Variants in PALM2AKAP2 observed in about 807,000 individuals in gnomAD.
PALM2AKAP2 encodes PALM2 and AKAP2 fusion.
Under a neutral mutation model 71.5 loss-of-function variants are expected in PALM2AKAP2, and 37 were observed. The ratio of observed to expected loss-of-function variants is 0.52; its 90% confidence interval spans 0.40 to 0.68. The LOEUF is 0.68. Among genes scored for constraint, PALM2AKAP2 ranks in the 30% least tolerant of loss-of-function variants. The pLI, the probability that PALM2AKAP2 is intolerant of heterozygous loss-of-function variation, is 0.00. For synonymous variants in PALM2AKAP2, 468 were observed against 478.8 expected (o/e 0.98, Z 0.29); for missense variants, 1,224 against 1,191.8 (o/e 1.03, Z -0.40).
Position 109,842,689 on chromosome 9 carries a change from T to A in PALM2AKAP2, c.46-24802T>A, listed in dbSNP as rs189311570. Among the ~76,000 whole-genome samples the A allele has an allele frequency of 2.1e-3, 314 of 151,996 alleles. 1 individual carries two copies. The highest frequency in any genetic ancestry group is 7.0e-3 in the African/African-American group (290 of 41,438). ...AGATGTGAAAAAAAAAACAGACTAA[T>A]GATATCTGACAAGAAGTCGGCCCAA... On this transcript the variant is annotated intron_variant, in intron 1 of 9. Coordinates refer to the PALM2AKAP2 transcript ENST00000302798.
At chr9:110,146,273 C>G (rs1318610098) in intron 2 of PALM2AKAP2, among the ~76,000 whole-genome samples, 1 of 152,160 alleles carries the variant, frequency 6.6e-6, no homozygotes, top group African/African-American at 2.4e-5. Flanking sequence ...GTTACAGCTT[C>G]TGGGCAGCAG....
chr9:110,161,822 G>A (rs1041967859), intron 3 of PALM2AKAP2, among the ~76,000 whole-genome samples: 10 of 152,126 alleles, frequency 6.6e-5, no homozygotes, highest in Admixed American at 2.0e-4. Context: ...TTAATTCAAA[G>A]TACAGAAACT....
At chr9:109,928,733 G>A (rs184269588) in intron 5 of PALM2AKAP2, among the ~76,000 whole-genome samples, 46 of 150,912 alleles carry the variant, frequency 3.0e-4, no homozygotes, top group East Asian at 5.8e-4. Context: ...GTGCAGTGGC[G>A]TGGTCTCAGC....
At chr9:109,851,804 C>T (rs972562353) in intron 1 of PALM2AKAP2, among the ~76,000 whole-genome samples, 11 of 152,178 alleles carry the variant, frequency 7.2e-5, no homozygotes, top group Non-Finnish European at 1.5e-4. Flanking sequence ...ACCCCCAAAG[C>T]AGTCAGTCAT....
At chr9:110,019,438 C>T (rs1310992267) in intron 7 of PALM2AKAP2, among the ~76,000 whole-genome samples, 2 of 151,924 alleles carry the variant, frequency 1.3e-5, no homozygotes, top group African/African-American at 4.8e-5. Flanking sequence ...ACTGTTTGAC[C>T]CAGCAATGGA....
At chr9:109,948,159 C>T (rs1252661238) in intron 6 of PALM2AKAP2, among the ~76,000 whole-genome samples, 1 of 152,134 alleles carries the variant, frequency 6.6e-6, no homozygotes, top group East Asian at 1.9e-4. Context: ...ATTAGGAGCA[C>T]AATGCAGATA....
At chr9:109,740,449 A>G (rs1022320709) in intron 1 of PALM2AKAP2, among the ~76,000 whole-genome samples, 20 of 152,156 alleles carry the variant, frequency 1.3e-4, no homozygotes, top group Non-Finnish European at 2.5e-4. Context: ...GAAGGGAAGA[A>G]ACAAGCCATG....
intron 1 of PALM2AKAP2, among the ~76,000 whole-genome samples, chr9:109,790,149 C>G (rs984356923): frequency 1.3e-5 from 2 of 152,134 alleles, no homozygotes; most frequent in African/African-American, 4.8e-5. Flanking sequence ...AGCTGTGGGC[C>G]AGACGTCGGA....
chr9:109,991,551 C>T (rs547789890), intron 6 of PALM2AKAP2, among the ~76,000 whole-genome samples: 14 of 152,268 alleles, frequency 9.2e-5, no homozygotes, highest in African/African-American at 3.1e-4. Context: ...CACACTTGGC[C>T]ACCACGTCTT....
intron 7 of PALM2AKAP2, among the ~76,000 whole-genome samples, chr9:110,017,121 C>T (rs985582462): frequency 1.3e-5 from 2 of 152,180 alleles, no homozygotes; most frequent in Non-Finnish European, 2.9e-5. Flanking sequence ...CCTCGAGATC[C>T]GCCTGCCTTG....
chr9:110,039,473 C>A (rs147537940), intron 7 of PALM2AKAP2, among the ~76,000 whole-genome samples: 1 of 151,896 alleles, frequency 6.6e-6, no homozygotes, highest in South Asian at 2.1e-4. Context: ...CGAGGCTGAG[C>A]GATTTTCCTA....
At chr9:109,949,727 T>C (rs912071119) in intron 6 of PALM2AKAP2, among the ~76,000 whole-genome samples, 7 of 152,164 alleles carry the variant, frequency 4.6e-5, no homozygotes, top group African/African-American at 1.4e-4. Flanking sequence ...TGCCATTAGG[T>C]AGATTAGATA....
intron 3 of PALM2AKAP2, among the ~76,000 whole-genome samples, chr9:109,907,789 C>T (rs1019279769): frequency 2.0e-5 from 3 of 152,182 alleles, no homozygotes; most frequent in Admixed American, 6.5e-5. Flanking sequence ...ACGGAAAACA[C>T]AGTTAGCAAA....
intron 1 of PALM2AKAP2, among the ~76,000 whole-genome samples, chr9:109,660,264 G>T (rs1827371289): frequency 6.6e-6 from 1 of 152,092 alleles, no homozygotes; most frequent in Admixed American, 6.5e-5. Context: ...TGATACATAG[G>T]TATACATGTG....
intron 1 of PALM2AKAP2, among the ~76,000 whole-genome samples, chr9:110,102,450 G>A (rs1197428185): frequency 6.6e-6 from 1 of 152,070 alleles, no homozygotes; most frequent in Non-Finnish European, 1.5e-5. Context: ...TTTTTTGTTT[G>A]TGTTACCTCC....
At chr9:109,711,993 TTGTGTGTGTG>T (rs10611227) in intron 1 of PALM2AKAP2, among the ~76,000 whole-genome samples, 8 of 148,606 alleles carry the variant, frequency 5.4e-5, no homozygotes, top group African/African-American at 2.0e-4. Context: ...GTGTGAGTGC[TTGTGTGTGTG>T]TGTGTGTGTG....
intron 3 of PALM2AKAP2, among the ~76,000 whole-genome samples, chr9:109,920,196 G>T (rs1830794665): frequency 1.3e-5 from 2 of 152,144 alleles, no homozygotes; most frequent in Non-Finnish European, 2.9e-5. Context: ...CATCCTATTG[G>T]CTAAAGCAGG....
chr9:109,766,024 A>T (rs935377447), intron 1 of PALM2AKAP2, among the ~76,000 whole-genome samples: 16 of 152,214 alleles, frequency 1.1e-4, no homozygotes, highest in Middle Eastern at 3.4e-3. Flanking sequence ...CTCCTCACTA[A>T]TGTCCCAGGG....
intron 1 of PALM2AKAP2, among the ~76,000 whole-genome samples, chr9:110,087,920 T>C (rs952547257): frequency 6.6e-6 from 1 of 152,164 alleles, no homozygotes; most frequent in Non-Finnish European, 1.5e-5. Context: ...AGGGGGCTGC[T>C]TAGATGTGCT....
Sources: allele counts gnomAD v4.1 joint callset (sites outside exome capture counted in the v4.1 genomes callset), GRCh38; gene constraint gnomAD v4.1.1; transcripts MANE v1.5; gene names NCBI Gene and HGNC (gene_info 2026-07-23, HGNC 2026-07-21).